The following STARD13 variants were observed in gnomAD, a reference collection of about 807,000 sequenced individuals.
STARD13 encodes the protein StAR related lipid transfer domain containing 13, also known as stAR-related lipid transfer protein 13.
Under a neutral mutation model 106.4 loss-of-function variants are expected in STARD13, and 62 were observed. That is an observed-to-expected ratio of 0.58 (90% CI 0.48 to 0.72). The LOEUF (loss-of-function observed/expected upper bound fraction) is 0.72. Ranked by LOEUF, STARD13 falls within the 30% of genes least tolerant of loss-of-function variation. STARD13 has a pLI of 0.00. For synonymous variants in STARD13, 565 were observed against 553.0 expected, an observed-to-expected ratio of 1.02 and a Z score of -0.31; for missense variants, 1,387 against 1,424.0, an observed-to-expected ratio of 0.97 and a Z score of 0.42.
chr13:33,137,313 T>G (rs1011603607), intron 4 of STARD13, among the ~76,000 whole-genome samples: 1 of 152,202 alleles, frequency 6.6e-6, no homozygotes, highest in African/African-American at 2.4e-5. Flanking sequence ...TCATAAAAAT[T>G]TTAGGTGTAT....
intron 1 of STARD13, among the ~76,000 whole-genome samples, chr13:33,340,438 A>G (rs370365004): frequency 3.1e-4 from 21 of 67,676 alleles, no homozygotes; most frequent in African/African-American, 1.2e-3. Flanking sequence ...ACTTTCAAAG[A>G]TGCTTCAAGA....
chr13:33,283,400 G>A lies in STARD13; in HGVS notation c.169+2070C>T, dbSNP rs183716629. On this transcript the variant is annotated intron_variant, in intron 1 of 13. Transcript: ENST00000336934. The stretch of plus-strand genomic sequence containing the variant: ...TGGATAAGATGCTTGAAATCTGTGT[G>A]CCTCTGTTTTCTCATCTGTAAAATG... Among the ~76,000 whole-genome samples the A allele has an allele frequency of 1.1e-3, 171 of 152,218 alleles. 2 individuals carry two copies. The Middle Eastern group carries it at 0.014, about 12-fold the overall frequency.
the STARD13 span, among the ~76,000 whole-genome samples, chr13:33,502,365 A>G: frequency 1.3e-5 from 2 of 152,188 alleles, no homozygotes; most frequent in African/African-American, 4.8e-5. Flanking sequence ...TCCTAATTGA[A>G]TACCATTTAT....
At chr13:33,559,877 A>G in the STARD13 span, among the ~76,000 whole-genome samples, 5 of 151,462 alleles carry the variant, frequency 3.3e-5, no homozygotes, top group African/African-American at 4.9e-5. Flanking sequence ...AAGAGACACT[A>G]GAGCTTCTTC....
At chr13:33,653,906 T>A in the STARD13 span, among the ~76,000 whole-genome samples, 1 of 152,128 alleles carries the variant, frequency 6.6e-6, no homozygotes, top group South Asian at 2.1e-4. Context: ...CATATACAAA[T>A]GGCCAACCCA....
chr13:33,396,928 G>A, the STARD13 span, among the ~76,000 whole-genome samples: 1 of 152,134 alleles, frequency 6.6e-6, no homozygotes, highest in African/African-American at 2.4e-5. Context: ...CTGTGAGGAG[G>A]AACTCCAGCA....
chr13:33,526,276 G>A, the STARD13 span, among the ~76,000 whole-genome samples: 4 of 151,566 alleles, frequency 2.6e-5, no homozygotes, highest in African/African-American at 9.7e-5. Flanking sequence ...TGTTTTCTTT[G>A]GTATTTTTGC....
chr13:33,517,840 A>G, the STARD13 span, among the ~76,000 whole-genome samples: 29 of 152,092 alleles, frequency 1.9e-4, no homozygotes, highest in Non-Finnish European at 3.1e-4. Flanking sequence ...ATAACAAACC[A>G]TTGTCAATCC....
downstream of STARD13, among the ~76,000 whole-genome samples, chr13:33,347,842 T>C (rs931048059): frequency 6.6e-6 from 1 of 152,218 alleles, no homozygotes; most frequent in Non-Finnish European, 1.5e-5. Flanking sequence ...TACTGTGAAC[T>C]GAACCATACA....
chr13:33,252,125 T>C (rs771015217), intron 1 of STARD13, among the ~76,000 whole-genome samples: 5 of 152,224 alleles, frequency 3.3e-5, no homozygotes, highest in Non-Finnish European at 7.3e-5. Context: ...AAGACCATCA[T>C]CTTCTAATTC....
At chr13:33,170,391 A>G in intron 1 of STARD13, among the ~76,000 whole-genome samples, 1 of 152,240 alleles carries the variant, frequency 6.6e-6, no homozygotes, top group Non-Finnish European at 1.5e-5. Flanking sequence ...GAAGCTAGCC[A>G]GGGAAATTTT....
the STARD13 span, among the ~76,000 whole-genome samples, chr13:33,568,737 C>A: frequency 1.4e-5 from 2 of 147,804 alleles, no homozygotes; most frequent in Non-Finnish European, 3.0e-5. Flanking sequence ...TTTATAAGGC[C>A]TCAACATAAT....
At chr13:33,270,042 C>T (rs919962518) in intron 1 of STARD13, among the ~76,000 whole-genome samples, 2 of 152,112 alleles carry the variant, frequency 1.3e-5, no homozygotes, top group Non-Finnish European at 2.9e-5. Context: ...TCGAGACCAG[C>T]CTGGCCAATC....
At chr13:33,506,765 T>G in the STARD13 span, among the ~76,000 whole-genome samples, 4 of 152,220 alleles carry the variant, frequency 2.6e-5, no homozygotes, top group Admixed American at 6.5e-5. Flanking sequence ...TACCACTTGT[T>G]GAGTTTTGGT....
chr13:33,395,495 A>G, the STARD13 span, among the ~76,000 whole-genome samples: 4 of 152,280 alleles, frequency 2.6e-5, no homozygotes, highest in East Asian at 7.7e-4. Flanking sequence ...TAAAAGAGGA[A>G]GATACATGAA....
intron 1 of STARD13, among the ~76,000 whole-genome samples, chr13:33,262,629 A>T (rs1410365647): frequency 2.1e-5 from 3 of 139,686 alleles, no homozygotes; most frequent in African/African-American, 5.5e-5. Context: ...CTCCCACACC[A>T]CACCCAGAAC....
chr13:33,135,272 T>A, intron 4 of STARD13, among the ~76,000 whole-genome samples: 1 of 152,176 alleles, frequency 6.6e-6, no homozygotes, highest in East Asian at 1.9e-4. Context: ...ATACAGAAAT[T>A]GAGAGTAAGA....
chr13:33,301,716 C>T (rs60250067), intron 1 of STARD13, among the ~76,000 whole-genome samples: 1,836 of 151,942 alleles, frequency 0.012, 35 homozygotes, highest in African/African-American at 0.041. Flanking sequence ...TACCGGCACC[C>T]GCCACCATGC....
At position 33,130,227 on chromosome 13, in the gene STARD13, A is replaced by G; in HGVS notation, c.450T>C (p.Ser150=). 1 of 1,609,942 alleles carries G rather than the reference A, an allele frequency of 6.2e-7. No homozygotes were observed. The highest frequency in any genetic ancestry group is 8.5e-7 in the Non-Finnish European group (1 of 1,179,982). ...ISNKWTFQRT[S]RRWSRVDDLY... ...GGTCGTCCACACGAGACCACCTGCG[A>G]CTGGTTCTTTGGAAAGTCCATTTGT... The change falls in exon 5 of 14, where the codon AGT becomes AGC. Residue 150 remains serine, a synonymous_variant. Transcript: ENST00000336934. The surrounding 1 kb of genome is among the most constrained non-coding windows in gnomAD (Gnocchi z 4.1).
Sources: gnomAD v4.1 joint callset for allele counts (sites outside exome capture counted in the v4.1 genomes callset) on GRCh38, gnomAD v4.1.1 for gene constraint, Gnocchi (gnomAD v3.1) non-coding constraint, MANE v1.5 for transcripts, NCBI Gene and HGNC (gene_info 2026-07-23, HGNC 2026-07-21) for gene names.